The following PCDH9 variants were observed in gnomAD, a reference collection of about 807,000 sequenced individuals.
The protein encoded by PCDH9 is protocadherin 9.
PCDH9 carries 24 observed loss-of-function variants against 70.6 expected under a neutral mutation model. That is an observed-to-expected ratio of 0.34 (90% CI 0.25 to 0.48). The LOEUF is 0.48. Among genes scored for constraint, PCDH9 ranks in the 20% least tolerant of loss-of-function variants. The probability of loss-of-function intolerance (pLI) is 0.99; values close to 1 mark genes in which losing one functional copy is unlikely to be tolerated. For missense variants in PCDH9, 1,281 were observed against 1,503.6 expected (o/e 0.85, Z 2.45); for synonymous variants, 562 against 558.5 (o/e 1.01, Z -0.09).
chr13:66,729,388 A>G (rs1296313285), intron 3 of PCDH9, among the ~76,000 whole-genome samples: 3 of 152,146 alleles, frequency 2.0e-5, no homozygotes, highest in Non-Finnish European at 4.4e-5. Flanking sequence ...AGTCATGTGC[A>G]TCTATACTAC....
intron 3 of PCDH9, among the ~76,000 whole-genome samples, chr13:66,835,350 G>A (rs1020966020): frequency 1.3e-5 from 2 of 152,194 alleles, no homozygotes; most frequent in African/African-American, 2.4e-5. Context: ...CTGTTTGTGT[G>A]GAGCCAGTCA....
At chr13:66,316,400 G>T (rs1371414270) in intron 4 of PCDH9, among the ~76,000 whole-genome samples, 2 of 152,108 alleles carry the variant, frequency 1.3e-5, no homozygotes, top group African/African-American at 4.8e-5. Context: ...ATCACACCTG[G>T]GTGAAAGCCA....
At chr13:66,545,047 A>G (rs1345779754) in intron 4 of PCDH9, among the ~76,000 whole-genome samples, 1 of 152,182 alleles carries the variant, frequency 6.6e-6, no homozygotes, top group African/African-American at 2.4e-5. Flanking sequence ...CAGATCGGAT[A>G]TAAAAATGGT....
intron 2 of PCDH9, among the ~76,000 whole-genome samples, chr13:67,163,811 AT>A (rs1400270988): frequency 6.6e-6 from 1 of 152,180 alleles, no homozygotes; most frequent in African/African-American, 2.4e-5. Context: ...CTTATACATG[AT>A]CAGGAAAACT....
At chr13:67,130,951 C>G (rs577342058) in intron 2 of PCDH9, among the ~76,000 whole-genome samples, 40 of 152,154 alleles carry the variant, frequency 2.6e-4, no homozygotes, top group Non-Finnish European at 5.1e-4. Context: ...CAAATCCTAA[C>G]AGGTGTACTG....
chr13:66,656,341 C>T (rs532061038), intron 3 of PCDH9, among the ~76,000 whole-genome samples: 22 of 152,246 alleles, frequency 1.4e-4, no homozygotes, highest in African/African-American at 4.6e-4. Flanking sequence ...ACAGAGAAGG[C>T]TTGCAATTTC....
At chr13:67,074,842 A>G (rs1322277308) in intron 2 of PCDH9, among the ~76,000 whole-genome samples, 3 of 152,188 alleles carry the variant, frequency 2.0e-5, no homozygotes, top group Non-Finnish European at 2.9e-5. Flanking sequence ...CACACAAAAA[A>G]GAAATTTTTT....
chr13:67,206,006 A>T (rs1436950654), intron 2 of PCDH9: 2 of 151,948 alleles, frequency 1.3e-5, no homozygotes, highest in Admixed American at 1.3e-4. Context: ...ACGCCTGGAT[A>T]TTTTTTGTAT....
intron 2 of PCDH9, among the ~76,000 whole-genome samples, chr13:67,133,097 G>A (rs758585814): frequency 4.6e-5 from 7 of 152,066 alleles, no homozygotes; most frequent in African/African-American, 9.7e-5. Flanking sequence ...GACTGTCTAC[G>A]GGCCTTCCTG....
intron 2 of PCDH9, among the ~76,000 whole-genome samples, chr13:66,989,431 G>T (rs968499709): frequency 6.6e-6 from 1 of 151,794 alleles, no homozygotes. Flanking sequence ...TCTTTCCAAC[G>T]ATTTGCTTCC....
chr13:67,068,072 A>T (rs2085685950), intron 2 of PCDH9, among the ~76,000 whole-genome samples: 2 of 152,152 alleles, frequency 1.3e-5, no homozygotes, highest in African/African-American at 4.8e-5. Context: ...TAAAACAAGT[A>T]TAATAAATAT....
intron 3 of PCDH9, among the ~76,000 whole-genome samples, chr13:66,843,493 C>T (rs2081151482): frequency 6.6e-6 from 1 of 152,168 alleles, no homozygotes; most frequent in Admixed American, 6.5e-5. Context: ...AGACTGGAAT[C>T]CACTTCATTT....
intron 2 of PCDH9, among the ~76,000 whole-genome samples, chr13:66,934,541 C>CAA (rs553566707): frequency 1.1e-4 from 5 of 45,928 alleles, no homozygotes; most frequent in Non-Finnish European, 1.9e-4. Context: ...AACTCAGTCC[C>CAA]AAAAAAAAAA....
chr13:67,207,503 C>A (rs1007762410), intron 2 of PCDH9: 2 of 152,134 alleles, frequency 1.3e-5, no homozygotes, highest in Admixed American at 1.3e-4. Context: ...AGGAACTTCA[C>A]GCACATGGAG....
intron 2 of PCDH9, among the ~76,000 whole-genome samples, chr13:66,915,959 C>T (rs955510173): frequency 2.0e-5 from 3 of 151,488 alleles, no homozygotes; most frequent in African/African-American, 7.3e-5. Context: ...ATTCCTTTCC[C>T]TTTGGGTGAC....
At chr13:66,638,590 A>G (rs1194807207) in intron 3 of PCDH9, among the ~76,000 whole-genome samples, 1 of 152,190 alleles carries the variant, frequency 6.6e-6, no homozygotes, top group African/African-American at 2.4e-5. Flanking sequence ...TCATCTAGAG[A>G]GTTACAAAAA....
At chr13:66,968,773 C>T (rs2083470492) in intron 2 of PCDH9, among the ~76,000 whole-genome samples, 3 of 151,936 alleles carry the variant, frequency 2.0e-5, no homozygotes, top group African/African-American at 7.2e-5. Context: ...CCACATATTA[C>T]CAAATTTGAT....
chr13:67,011,451 C>T (rs1046939766), intron 2 of PCDH9, among the ~76,000 whole-genome samples: 1 of 151,752 alleles, frequency 6.6e-6, no homozygotes, highest in African/African-American at 2.4e-5. Context: ...GGGAAATTTG[C>T]CAGAATGCTT....
intron 3 of PCDH9, among the ~76,000 whole-genome samples, chr13:66,901,324 G>C (rs760532944): frequency 3.3e-5 from 5 of 151,748 alleles, no homozygotes; most frequent in Non-Finnish European, 7.4e-5. Context: ...CCCTAGCACA[G>C]AGTATGAGGT....
Sources: allele counts gnomAD v4.1 joint callset (sites outside exome capture counted in the v4.1 genomes callset), GRCh38; gene constraint gnomAD v4.1.1; transcripts MANE v1.5; gene names NCBI Gene and HGNC (gene_info 2026-07-23, HGNC 2026-07-21).